The following UNC5D variants were observed in gnomAD, a reference collection of about 807,000 sequenced individuals.
UNC5D encodes the protein netrin receptor UNC5D.
A neutral mutation model predicts 105.4 loss-of-function variants in UNC5D; 39 were observed. The ratio of observed to expected loss-of-function variants is 0.37; its 90% CI spans 0.29 to 0.48. The LOEUF is 0.48. Ranked by LOEUF, UNC5D falls within the 20% of genes least tolerant of loss-of-function variation. The probability of loss-of-function intolerance (pLI) is 0.98; values close to 1 mark genes in which losing one functional copy is unlikely to be tolerated. For synonymous variants in UNC5D, 452 were observed against 450.4 expected (o/e 1.00, Z -0.04); for missense variants, 991 against 1,202.4 (o/e 0.82, Z 2.60).
chr8:35,364,792 C>T (rs1288864468), intron 1 of UNC5D, among the ~76,000 whole-genome samples: 1 of 152,104 alleles, frequency 6.6e-6, no homozygotes, highest in Non-Finnish European at 1.5e-5. Flanking sequence ...TTCTTTATTT[C>T]TAACTCTTTT....
At chr8:35,636,695 A>G (rs1220739552) in intron 4 of UNC5D, among the ~76,000 whole-genome samples, 2 of 152,110 alleles carry the variant, frequency 1.3e-5, no homozygotes, top group Non-Finnish European at 2.9e-5. Flanking sequence ...GGGGTAGGGG[A>G]GACTCCCTCA....
intron 4 of UNC5D, among the ~76,000 whole-genome samples, chr8:35,653,015 C>T (rs1019011546): frequency 6.0e-5 from 9 of 150,094 alleles, no homozygotes; most frequent in Non-Finnish European, 1.2e-4. Flanking sequence ...CTGCAACCTC[C>T]GCCTCCCAGT....
intron 1 of UNC5D, among the ~76,000 whole-genome samples, chr8:35,237,237 G>A (rs1489147796): frequency 1.4e-5 from 2 of 138,076 alleles, no homozygotes; most frequent in African/African-American, 2.7e-5. Flanking sequence ...AAGCAGGGGA[G>A]GTTTAAAAAT....
chr8:35,549,312 C>T lies in UNC5D; in HGVS notation c.124C>T (p.Leu42Phe). Residue 42 changes from leucine to phenylalanine, a missense_variant, in exon 2 of 17, where the codon CTT becomes TTT. Leu to Phe is a conservative substitution (Grantham distance 22, BLOSUM62 0). This residue lies in a region of UNC5D where 944 missense variants were observed against 1,131.6 expected (regional missense o/e 0.83). Coordinates refer to ENST00000404895, the MANE Select transcript of UNC5D (RefSeq NM_080872.4). ...CACAGGAACTGACAATGGCGAAGCC[C>T]TTCCCGAATCCATCCCATCAGCTCC... ...AARGTDNGEA[L>F]PESIPSAPGT... 6.2e-7 allele frequency: 1 copy of T among 1,613,252 alleles called. No homozygotes were observed. The highest frequency in any genetic ancestry group is 1.3e-5 in the African/African-American group (1 of 75,018).
chr8:35,447,648 C>A (rs534668628), intron 1 of UNC5D, among the ~76,000 whole-genome samples: 2 of 152,040 alleles, frequency 1.3e-5, no homozygotes, highest in South Asian at 4.2e-4. Flanking sequence ...CAATTGTGTC[C>A]CCGCATATCC....
intron 1 of UNC5D, among the ~76,000 whole-genome samples, chr8:35,248,985 A>ATAAT (rs1803464974): frequency 1.1e-5 from 1 of 89,736 alleles, no homozygotes; most frequent in Non-Finnish European, 1.9e-5. Flanking sequence ...ATTTTTATAT[A>ATAAT]ATATATTATA....
chr8:35,430,974 G>A (rs1436853030), intron 1 of UNC5D, among the ~76,000 whole-genome samples: 1 of 152,156 alleles, frequency 6.6e-6, no homozygotes, highest in African/African-American at 2.4e-5. Flanking sequence ...TGGACACATG[G>A]CATGAAAAAG....
intron 1 of UNC5D, among the ~76,000 whole-genome samples, chr8:35,527,725 T>A (rs909793190): frequency 1.3e-5 from 2 of 152,114 alleles, no homozygotes; most frequent in African/African-American, 4.8e-5. Flanking sequence ...ATATTTTTAG[T>A]AGAGATGGGA....
Position 35,624,734 on chromosome 8 carries a change from A to G in UNC5D, c.570+29077A>G, listed in dbSNP as rs936761026. 3.3e-5 allele frequency among the ~76,000 whole-genome samples: 5 copies of G among 152,190 alleles called. No individual in the cohort carries two copies. In the South Asian group the frequency reaches 6.2e-4, roughly 19 times the overall value. The stretch of plus-strand genomic sequence containing the variant: ...CACCTTTTCATGTTCCTTTCCACTT[A>G]ACTACAGTTTCATTTTTTAAGGGGA... On this transcript the variant is annotated intron_variant, in intron 4 of 16. Coordinates refer to ENST00000404895, the MANE Select transcript of UNC5D (RefSeq NM_080872.4).
At chr8:35,351,828 C>T (rs1812260132) in intron 1 of UNC5D, among the ~76,000 whole-genome samples, 1 of 151,800 alleles carries the variant, frequency 6.6e-6, no homozygotes, top group African/African-American at 2.4e-5. Flanking sequence ...TAATATTTTT[C>T]CCCTTTAATA....
At chr8:35,435,425 T>C (rs892424344) in intron 1 of UNC5D, among the ~76,000 whole-genome samples, 10 of 152,098 alleles carry the variant, frequency 6.6e-5, no homozygotes, top group African/African-American at 2.4e-4. Context: ...CTGGCTAAAA[T>C]GTACTAACTT....
intron 4 of UNC5D, among the ~76,000 whole-genome samples, chr8:35,614,386 C>T (rs1820881838): frequency 6.6e-6 from 1 of 152,066 alleles, no homozygotes; most frequent in African/African-American, 2.4e-5. Context: ...GTGGGGGTGT[C>T]CATGTTCTGA....
chr8:35,788,273 TC>T (rs369909966), intron 16 of UNC5D, among the ~76,000 whole-genome samples: 10 of 152,064 alleles, frequency 6.6e-5, no homozygotes, highest in African/African-American at 2.2e-4. Context: ...GTCTGAATGC[TC>T]CACTCTACAT....
At chr8:35,254,405 T>A (rs1803929287) in intron 1 of UNC5D, 1 of 152,184 alleles carries the variant, frequency 6.6e-6, no homozygotes, top group African/African-American at 2.4e-5. Context: ...TATTCCAGAG[T>A]GTCTTTTAAT....
chr8:35,386,481 G>A (rs541546429), intron 1 of UNC5D, among the ~76,000 whole-genome samples: 1 of 152,282 alleles, frequency 6.6e-6, no homozygotes, highest in African/African-American at 2.4e-5. Flanking sequence ...TTACTAAAGA[G>A]AGGCTCAGTG....
intron 4 of UNC5D, among the ~76,000 whole-genome samples, chr8:35,660,841 C>T (rs747681714): frequency 1.3e-5 from 2 of 152,110 alleles, no homozygotes; most frequent in South Asian, 2.1e-4. Flanking sequence ...CAGCTTAGAG[C>T]AAGCCACTGT....
At chr8:35,318,327 A>T (rs1734753734) in intron 1 of UNC5D, among the ~76,000 whole-genome samples, 1 of 152,138 alleles carries the variant, frequency 6.6e-6, no homozygotes, top group African/African-American at 2.4e-5. Flanking sequence ...ACCATTAATA[A>T]TAATGAAGCT....
intron 1 of UNC5D, among the ~76,000 whole-genome samples, chr8:35,294,894 T>C (rs1410484833): frequency 1.3e-5 from 2 of 152,138 alleles, no homozygotes; most frequent in Non-Finnish European, 2.9e-5. Flanking sequence ...TATCCTGTGG[T>C]GTTATTCGAA....
At chr8:35,591,805 A>G (rs1819193187) in intron 3 of UNC5D, among the ~76,000 whole-genome samples, 1 of 152,178 alleles carries the variant, frequency 6.6e-6, no homozygotes. Flanking sequence ...CGATGATAGA[A>G]CAAGGAAAAC....
Sources: allele counts gnomAD v4.1 joint callset (sites outside exome capture counted in the v4.1 genomes callset), GRCh38; gene constraint gnomAD v4.1.1; regional missense constraint gnomAD v4.1.1; transcripts MANE v1.5; gene names NCBI Gene and HGNC (gene_info 2026-07-23, HGNC 2026-07-21).